Variants in L1TD1 observed in about 807,000 individuals in gnomAD.
L1TD1 encodes LINE1 type transposase domain containing 1.
In L1TD1, 26 loss-of-function variants were observed where a neutral mutation model predicts 25.7. The observed-to-expected ratio is 1.01, with a 90% confidence interval of 0.74 to 1.40. The LOEUF is 1.40. Among genes scored for constraint, L1TD1 ranks in the 40% most tolerant of loss-of-function variants. L1TD1 has a pLI of 0.00. For synonymous variants in L1TD1, 421 were observed against 335.6 expected, an observed-to-expected ratio of 1.25 and a Z score of -2.78; for missense variants, 1,130 against 975.0, an observed-to-expected ratio of 1.16 and a Z score of -2.12.
chr1:62,205,543 T>C (rs1321387004), intron 2 of L1TD1, among the ~76,000 whole-genome samples: 3 of 146,780 alleles, frequency 2.0e-5, no homozygotes, highest in Non-Finnish European at 4.5e-5. Context: ...GCAATTCTTA[T>C]GCCTCAGCCT....
intron 1 of L1TD1, among the ~76,000 whole-genome samples, chr1:62,195,919 C>G (rs1179043505): frequency 6.6e-6 from 1 of 151,902 alleles, no homozygotes; most frequent in African/African-American, 2.4e-5. Flanking sequence ...CGCCTGTAGT[C>G]CCAGCTACTA....
intron 2 of L1TD1, among the ~76,000 whole-genome samples, chr1:62,197,153 A>G (rs971641957): frequency 2.6e-5 from 4 of 151,848 alleles, no homozygotes; most frequent in Non-Finnish European, 4.4e-5. Flanking sequence ...TGGGAGGTTG[A>G]GGAGGCCAGA....
chr1:62,203,801 G>C (rs1207363880), intron 2 of L1TD1, among the ~76,000 whole-genome samples: 1 of 152,168 alleles, frequency 6.6e-6, no homozygotes, highest in Non-Finnish European at 1.5e-5. Flanking sequence ...AGCCAGGATG[G>C]TGTCTTATCT....
chr1:62,200,851 A>T (rs4915799), intron 2 of L1TD1, among the ~76,000 whole-genome samples: 1 of 152,110 alleles, frequency 6.6e-6, no homozygotes, highest in Non-Finnish European at 1.5e-5. Flanking sequence ...GCCACCTTTC[A>T]CATGTTTACT....
In L1TD1 at chr1:62,210,913, T is replaced by A; in HGVS notation, c.2139T>A (p.Tyr713Ter). Residue 713 changes from tyrosine (Y) to a stop codon, truncating the protein, a stop_gained, in exon 4 of 4, where the codon TAT becomes TAA. Transcript: ENST00000498273. LOFTEE classifies it low-confidence loss of function (END_TRUNC). Reference sequence around the variant, plus strand: ...TAGGAATTCCAGAAAAGGAGAGTTATGAGAATAGGGCAGAGGACATAATTA... The same window carrying A: ...TAGGAATTCCAGAAAAGGAGAGTTAAGAGAATAGGGCAGAGGACATAATTA... ...RLIGIPEKESYENRAEDIIKE... is the reference protein window; with the variant it reads ...RLIGIPEKES 1 of 1,551,418 alleles carries A rather than the reference T, an allele frequency of 6.4e-7. No homozygotes were observed. The highest frequency in any genetic ancestry group is 8.7e-7 in the Non-Finnish European group (1 of 1,146,918).
intron 3 of L1TD1, among the ~76,000 whole-genome samples, chr1:62,208,909 A>C (rs1210471257): frequency 6.6e-6 from 1 of 152,244 alleles, no homozygotes; most frequent in African/African-American, 2.4e-5. Context: ...ACTTGAATCA[A>C]CAAATTATTT....
At chr1:62,201,482 A>G (rs1430093171) in intron 2 of L1TD1, among the ~76,000 whole-genome samples, 1 of 118,146 alleles carries the variant, frequency 8.5e-6, no homozygotes, top group Non-Finnish European at 1.9e-5. Flanking sequence ...GGCGAGTGAG[A>G]CCCTGCTTAA....
At position 62,207,025 on chromosome 1, in the gene L1TD1, T is replaced by C; in HGVS notation, c.397T>C (p.Leu133=). The C allele has an allele frequency of 6.2e-7, 1 of 1,613,406 alleles. No homozygotes were observed. Among genetic ancestry groups the C allele is most frequent in the African/African-American group, 1.3e-5 (1 of 74,936 alleles). ...TAAAATAGGTGATGATAATGAAAATTTAACCTTTAAATTAGAAGTAAATGA... is the reference window on the plus strand; with the variant it reads ...TAAAATAGGTGATGATAATGAAAATCTAACCTTTAAATTAGAAGTAAATGA... ...NSKIGDDNEN[L]TFKLEVNELS... The change falls in exon 3 of 4, where the codon TTA becomes CTA. Residue 133 remains leucine, a synonymous_variant. Transcript: ENST00000498273.
rs1477109724 is a variant in L1TD1, at chr1:62,209,960, G to A, written c.1186G>A (p.Asp396Asn). 6 of 1,612,538 alleles carry A rather than the reference G, an allele frequency of 3.7e-6. 1 individual carries two copies. Among genetic ancestry groups the A allele is most frequent in the South Asian group, 3.3e-5 (3 of 90,992 alleles). ...GGATGAAGAGGCCTCAGGGATGGAG[G>A]ATGATGAAGATACCTCAGGGCTGGA... is the stretch of plus-strand genomic sequence containing the variant. ...ELDEEASGMEDDEDTSGLEEE... is the reference protein window; with the variant it reads ...ELDEEASGMENDEDTSGLEEE... The change falls in exon 4 of 4, where the codon GAT (aspartate) becomes AAT (asparagine). Residue 396 changes from aspartate (D) to asparagine (N), a missense_variant. By Grantham distance (23) the Asp-to-Asn change is conservative. Transcript: ENST00000498273.
chr1:62,198,539 G>A (rs563377423), intron 2 of L1TD1, among the ~76,000 whole-genome samples: 5 of 140,498 alleles, frequency 3.6e-5, no homozygotes, highest in East Asian at 2.3e-4. Flanking sequence ...GCCCCACCCC[G>A]CCGATAAGAA....
chr1:62,207,372 C>A lies in L1TD1; in HGVS notation c.744C>A (p.Asp248Glu). 6.4e-7 allele frequency: 1 copy of A among 1,551,566 alleles called. No individual in the cohort carries two copies. The highest frequency in any genetic ancestry group is 8.7e-7 in the Non-Finnish European group (1 of 1,146,940). The change falls in exon 3 of 4, where the codon GAC becomes GAA. Residue 248 changes from aspartate to glutamate, a missense_variant. By Grantham distance (45) the Asp-to-Glu change is conservative (BLOSUM62 2). Transcript: ENST00000498273. ...GAGCAGTACTTACCCTGGTAGCCGA[C>A]CTTTCATCAGCAACACTGGATATTA... is the stretch of plus-strand genomic sequence containing the variant. ...DEGAVLTLVA[D>E]LSSATLDISK...
Position 62,210,662 on chromosome 1 carries a change from G to A in L1TD1, c.1888G>A (p.Glu630Lys). 2 of 1,559,290 alleles carry A rather than the reference G, an allele frequency of 1.3e-6. No individual in the cohort carries two copies. The highest frequency in any genetic ancestry group is 8.7e-7 in the Non-Finnish European group (1 of 1,151,032). The change falls in exon 4 of 4, where the codon GAG (glutamate) becomes AAG (lysine). Residue 630 changes from glutamate to lysine, a missense_variant. By Grantham distance (56) the Glu-to-Lys change is moderately conservative (BLOSUM62 1). Coordinates refer to ENST00000498273, the MANE Select transcript of L1TD1 (RefSeq NM_019079.5). ...SVINSIREIK[E>K]EIGNLKSSHS... ...GATTAATAGCATCAGAGAGATAAAA[G>A]AGGAGATTGGAAATTTGAAAAGTTC...
chr1:62,197,433 A>ATATAT (rs1174042182), intron 2 of L1TD1, among the ~76,000 whole-genome samples: 1 of 138,372 alleles, frequency 7.2e-6, no homozygotes, highest in Non-Finnish European at 1.6e-5. Context: ...ATATATATAT[A>ATATAT]GTTTAGTCCT....
rs747039294 is a variant in L1TD1 at position 62,207,216 on chromosome 1, AAG to A, written c.595_596del (p.Ser199Ter). 1.9e-5 allele frequency: 29 copies of A among 1,551,680 alleles called. No homozygotes were observed. The highest frequency in any genetic ancestry group is 3.9e-5 in the Admixed American group (2 of 50,990). On this transcript the variant is annotated frameshift_variant, in exon 3 of 4. Coordinates refer to ENST00000498273, the MANE Select transcript of L1TD1 (RefSeq NM_019079.5). LOFTEE classifies it high-confidence loss of function. ...NRNVHLEFTERESRKDGEDEF... is the reference protein window; with the variant it reads ...NRNVHLEFTEXESRKDGEDEF... ...GCAATGTCCATTTAGAATTTACAGA[AAG>A]AGAGAGTAGGAAGGATGGAGAGGAT...
chr1:62,207,125 G>C lies in L1TD1; in HGVS notation c.497G>C (p.Arg166Pro). ...AAGAAATTACCCCAGGGTGAATCAC[G>C]AAGTTACGAAGTCATGGGAAGTATG... is the stretch of plus-strand genomic sequence containing the variant. ...DGKKLPQGESRSYEVMGSMEE... is the reference protein window; with the variant it reads ...DGKKLPQGESPSYEVMGSMEE... Residue 166 changes from arginine to proline, a missense_variant, in exon 3 of 4, where the codon CGA becomes CCA. Transcript: ENST00000498273. The C allele has an allele frequency of 6.3e-7, 1 of 1,589,874 alleles. No homozygotes were observed. Among genetic ancestry groups the C allele is most frequent in the African/African-American group, 1.3e-5 (1 of 74,634 alleles).
chr1:62,202,415 T>A (rs1311782844), intron 2 of L1TD1, among the ~76,000 whole-genome samples: 1 of 152,054 alleles, frequency 6.6e-6, no homozygotes, highest in Non-Finnish European at 1.5e-5. Context: ...TCTGGTGTAA[T>A]CAAGATTTTC....
At chr1:62,195,862 A>AC (rs1463635410) in intron 1 of L1TD1, among the ~76,000 whole-genome samples, 1 of 151,426 alleles carries the variant, frequency 6.6e-6, no homozygotes, top group African/African-American at 2.4e-5. Context: ...AACTTGGGAA[A>AC]CCCCGTCTCT....
intron 2 of L1TD1, among the ~76,000 whole-genome samples, chr1:62,200,170 T>C (rs1171425642): frequency 6.6e-6 from 1 of 152,044 alleles, no homozygotes; most frequent in Non-Finnish European, 1.5e-5. Flanking sequence ...TATATAACAA[T>C]GTATATTATG....
At chr1:62,201,052 T>TG (rs1341643863) in intron 2 of L1TD1, among the ~76,000 whole-genome samples, 1 of 151,980 alleles carries the variant, frequency 6.6e-6, no homozygotes, top group Non-Finnish European at 1.5e-5. Flanking sequence ...TCTCAGCCTC[T>TG]GGAATAGCTG....
Sources: gnomAD v4.1 joint callset for allele counts (sites outside exome capture counted in the v4.1 genomes callset) on GRCh38, gnomAD v4.1.1 for gene constraint, MANE v1.5 for transcripts, NCBI Gene and HGNC (gene_info 2026-07-23, HGNC 2026-07-21) for gene names.